Variants in DOCK4 observed in about 807,000 individuals in gnomAD.
DOCK4 encodes the protein dedicator of cytokinesis protein 4.
In DOCK4, 97 loss-of-function variants were observed where a neutral mutation model predicts 268.1. The ratio of observed to expected loss-of-function variants is 0.36; its 90% CI spans 0.31 to 0.43. DOCK4 has a LOEUF of 0.43. Among genes scored for constraint, DOCK4 ranks in the 20% least tolerant of loss-of-function variants. The pLI is 1.00. For synonymous variants in DOCK4, 954 were observed against 887.2 expected, an observed-to-expected ratio of 1.08 and a Z score of -1.34; for missense variants, 2,145 against 2,455.7, an observed-to-expected ratio of 0.87 and a Z score of 2.67.
intron 28 of DOCK4, 69 bp from the exon 29 acceptor site, chr7:111,809,470 A>G: frequency 7.3e-7 from 1 of 1,366,906 alleles, no homozygotes; most frequent in Non-Finnish European, 1.0e-6. Flanking sequence ...GTGACATAGT[A>G]TTTTGGATTT....
At chr7:111,853,447 G>A (rs1804745729) in intron 23 of DOCK4, among the ~76,000 whole-genome samples, 2 of 152,228 alleles carry the variant, frequency 1.3e-5, no homozygotes, top group Admixed American at 6.5e-5. Context: ...CCTGACATCA[G>A]AGCTGGGATG....
intron 1 of DOCK4, among the ~76,000 whole-genome samples, chr7:112,187,765 A>G (rs533826469): frequency 5.9e-5 from 9 of 152,328 alleles, no homozygotes; most frequent in African/African-American, 2.2e-4. Context: ...AATTTTGCAC[A>G]GTATGGTCAG....
intron 1 of DOCK4, among the ~76,000 whole-genome samples, chr7:112,164,199 A>C (rs1290840842): frequency 1.3e-5 from 2 of 152,098 alleles, no homozygotes; most frequent in Non-Finnish European, 2.9e-5. Flanking sequence ...TTGAGCCAGA[A>C]GTTTGAAGGT....
At chr7:111,765,925 C>T (rs1046160274) in intron 38 of DOCK4, among the ~76,000 whole-genome samples, 2 of 152,130 alleles carry the variant, frequency 1.3e-5, no homozygotes, top group Admixed American at 6.6e-5. Flanking sequence ...CCCCTCTATC[C>T]CCCCTCTAGT....
chr7:111,929,551 C>T (rs921908943), intron 12 of DOCK4, among the ~76,000 whole-genome samples: 1 of 152,134 alleles, frequency 6.6e-6, no homozygotes. Context: ...TGATCAAATT[C>T]TTATGAATTA....
chr7:111,834,797 G>C (rs1470543247), intron 25 of DOCK4, 111 bp from the exon 26 acceptor site: 1 of 693,236 alleles, frequency 1.4e-6, no homozygotes. Flanking sequence ...ATGAAATCAC[G>C]ATGATCCAAA....
chr7:111,728,766 G>A (rs775268896), intron 52 of DOCK4, 46 bp from the exon 53 acceptor site: 22 of 1,530,494 alleles, frequency 1.4e-5, no homozygotes, highest in Middle Eastern at 3.4e-4. Context: ...GCATTGAGTC[G>A]TGAACGCAGA....
At chr7:112,081,526 C>T (rs1249941401) in intron 1 of DOCK4, among the ~76,000 whole-genome samples, 1 of 152,108 alleles carries the variant, frequency 6.6e-6, no homozygotes, top group Non-Finnish European at 1.5e-5. Context: ...ACATGAAGAA[C>T]CACTCTCAAG....
intron 49 of DOCK4, among the ~76,000 whole-genome samples, chr7:111,737,289 T>C (rs1795572672): frequency 6.6e-6 from 1 of 151,492 alleles, no homozygotes; most frequent in Non-Finnish European, 1.5e-5. Context: ...TATGAAGTTC[T>C]TTTTTTTTCT....
chr7:111,936,213 G>C (rs1028946774), intron 11 of DOCK4, among the ~76,000 whole-genome samples: 1 of 152,190 alleles, frequency 6.6e-6, no homozygotes, highest in Non-Finnish European at 1.5e-5. Flanking sequence ...AACACAGCTT[G>C]TACTGGCAAA....
chr7:111,973,186 T>A (rs985648577), intron 8 of DOCK4, among the ~76,000 whole-genome samples: 23 of 137,560 alleles, frequency 1.7e-4, no homozygotes, highest in African/African-American at 4.4e-4. Context: ...TATATATATA[T>A]AATATTTTCT....
chr7:111,975,207 C>T (rs1485499143), intron 8 of DOCK4, among the ~76,000 whole-genome samples: 2 of 152,200 alleles, frequency 1.3e-5, no homozygotes, highest in East Asian at 3.9e-4. Context: ...GTGGAGGTTG[C>T]AGTGGGCCGA....
At chr7:111,916,658 C>T (rs958499916) in intron 12 of DOCK4, among the ~76,000 whole-genome samples, 1 of 152,030 alleles carries the variant, frequency 6.6e-6, no homozygotes, top group African/African-American at 2.4e-5. Flanking sequence ...TCTCAATTTC[C>T]AGGCAAGAAG....
At chr7:111,934,791 G>C (rs1235318204) in intron 12 of DOCK4, among the ~76,000 whole-genome samples, 1 of 150,472 alleles carries the variant, frequency 6.6e-6, no homozygotes, top group Non-Finnish European at 1.5e-5. Context: ...CGCCCGCCTC[G>C]GCCTCCCAAA....
chr7:112,174,056 C>T (rs930544948), intron 1 of DOCK4, among the ~76,000 whole-genome samples: 3 of 150,998 alleles, frequency 2.0e-5, no homozygotes, highest in Non-Finnish European at 4.4e-5. Context: ...GCACCAATTC[C>T]CTCCTGAGTC....
chr7:111,756,888 A>G (rs775430833), intron 41 of DOCK4, among the ~76,000 whole-genome samples: 6 of 152,028 alleles, frequency 3.9e-5, no homozygotes, highest in Non-Finnish European at 7.4e-5. Flanking sequence ...AAGAGCTCAG[A>G]GTGAAGAGAA....
chr7:111,854,482 G>C (rs903519973), intron 23 of DOCK4, among the ~76,000 whole-genome samples: 4 of 152,174 alleles, frequency 2.6e-5, no homozygotes, highest in Non-Finnish European at 5.9e-5. Context: ...GGGTCTTGCC[G>C]ATGCTCCCAG....
chr7:111,870,174 T>A (rs913970461), intron 20 of DOCK4, among the ~76,000 whole-genome samples: 1 of 152,198 alleles, frequency 6.6e-6, no homozygotes, highest in Non-Finnish European at 1.5e-5. Flanking sequence ...TATGTCAATA[T>A]GTGCCTTAGG....
intron 30 of DOCK4, among the ~76,000 whole-genome samples, chr7:111,801,423 A>G (rs1800270917): frequency 6.6e-6 from 1 of 152,094 alleles, no homozygotes; most frequent in Non-Finnish European, 1.5e-5. Context: ...ACCACACCAC[A>G]TGTGTGCGTG....
Sources: gnomAD v4.1 joint callset for allele counts (sites outside exome capture counted in the v4.1 genomes callset) on GRCh38, gnomAD v4.1.1 for gene constraint, MANE v1.5 for transcripts, NCBI Gene and HGNC (gene_info 2026-07-23, HGNC 2026-07-21) for gene names.